Variants in USP37 observed in about 807,000 individuals in gnomAD.
USP37 encodes ubiquitin carboxyl-terminal hydrolase 37.
A neutral mutation model predicts 124.0 loss-of-function variants in USP37; 27 were observed. The ratio of observed to expected loss-of-function variants is 0.22; its 90% CI spans 0.16 to 0.30. The LOEUF (loss-of-function observed/expected upper bound fraction) is 0.30, where lower values mean the gene tolerates loss of function less well. Ranked by LOEUF, USP37 falls within the 10% of genes least tolerant of loss-of-function variation. The pLI is 1.00. For missense variants in USP37, 889 were observed against 1,140.4 expected, an observed-to-expected ratio of 0.78 and a Z score of 3.17; for synonymous variants, 365 against 388.0, an observed-to-expected ratio of 0.94 and a Z score of 0.70.
intron 10 of USP37, among the ~76,000 whole-genome samples, chr2:218,517,669 A>G (rs566337108): frequency 2.1e-4 from 32 of 152,276 alleles, no homozygotes; most frequent in Non-Finnish European, 3.5e-4. Flanking sequence ...CTAGAGTTTC[A>G]CTATGACATG....
intron 17 of USP37, among the ~76,000 whole-genome samples, chr2:218,480,575 T>G (rs1574860456): frequency 6.6e-6 from 1 of 152,200 alleles, no homozygotes; most frequent in Non-Finnish European, 1.5e-5. Context: ...TCAGTTCTTT[T>G]AAAGTAATAG....
chr2:218,490,036 A>G (rs771069142), intron 14 of USP37, among the ~76,000 whole-genome samples: 6 of 152,174 alleles, frequency 3.9e-5, no homozygotes, highest in Admixed American at 1.3e-4. Flanking sequence ...TGTTGGCTAT[A>G]TAAGTAATGC....
At chr2:218,487,288 G>A (rs1691627696) in intron 15 of USP37, among the ~76,000 whole-genome samples, 1 of 152,122 alleles carries the variant, frequency 6.6e-6, no homozygotes, top group African/African-American at 2.4e-5. Context: ...TACAACCTAA[G>A]AAAGAGCAAA....
At position 218,450,446 on chromosome 2, in the gene USP37, C is replaced by T. The variant is rs772180476; in HGVS notation, c.*4484G>A. On this transcript the variant is annotated 3_prime_UTR_variant, in exon 26 of 26. Coordinates refer to ENST00000258399, the MANE Select transcript of USP37 (RefSeq NM_020935.3). ...TCTGAACATAAAGAAAAAAAATCAT[C>T]TCACAAATAATGTGGCCACAGCTGC... 18 of 152,642 alleles carry T rather than the reference C, an allele frequency of 1.2e-4. No homozygotes were observed. The highest frequency in any genetic ancestry group is 1.0e-3 in the Admixed American group (16 of 15,274). 9.5% of individuals were successfully genotyped at this position (152,642 alleles called of 1,614,324 possible). A position where few individuals can be genotyped will look rare whatever the true frequency, so the allele number is the denominator to read the frequency against.
intron 21 of USP37, 118 bp downstream of exon 21, chr2:218,465,892 A>G: frequency 3.1e-6 from 4 of 1,289,092 alleles, no homozygotes; most frequent in Non-Finnish European, 4.2e-6. Context: ...GACTTACTCT[A>G]TGTAAATCAT....
chr2:218,493,466 T>C (rs1688906229), intron 14 of USP37, among the ~76,000 whole-genome samples: 2 of 151,974 alleles, frequency 1.3e-5, no homozygotes, highest in Admixed American at 6.6e-5. Context: ...TACTCTGATA[T>C]GGCCTTCTTT....
intron 9 of USP37, among the ~76,000 whole-genome samples, chr2:218,533,012 A>G (rs2106027984): frequency 6.6e-6 from 1 of 152,134 alleles, no homozygotes; most frequent in South Asian, 2.1e-4. Flanking sequence ...TAGTATAAAC[A>G]TAACTTTTAT....
chr2:218,518,681 A>G (rs1459401357), intron 10 of USP37, among the ~76,000 whole-genome samples: 1 of 152,250 alleles, frequency 6.6e-6, no homozygotes, highest in East Asian at 1.9e-4. Flanking sequence ...GATATTTCTA[A>G]TAACTCACAT....
At chr2:218,480,506 G>A (rs1691214121) in intron 17 of USP37, among the ~76,000 whole-genome samples, 1 of 151,656 alleles carries the variant, frequency 6.6e-6, no homozygotes, top group Admixed American at 6.6e-5. Context: ...AGACAGCACT[G>A]GAAATGAAGT....
intron 10 of USP37, among the ~76,000 whole-genome samples, chr2:218,519,063 T>C (rs755794820): frequency 6.6e-6 from 1 of 152,232 alleles, no homozygotes; most frequent in South Asian, 2.1e-4. Context: ...TTTTCAGTAA[T>C]ACCACAAATG....
chr2:218,463,938 C>G (rs1455073286), intron 21 of USP37, among the ~76,000 whole-genome samples: 4 of 150,104 alleles, frequency 2.7e-5, no homozygotes, highest in Admixed American at 6.7e-5. Flanking sequence ...TCACTGCATC[C>G]TCTACCTCCC....
intron 4 of USP37, among the ~76,000 whole-genome samples, chr2:218,556,703 G>C (rs190464443): frequency 3.3e-5 from 5 of 151,984 alleles, no homozygotes; most frequent in East Asian, 1.9e-4. Flanking sequence ...AGTAGAGACA[G>C]GTTTTCACCA....
chr2:218,483,592 G>C (rs1303631876), intron 16 of USP37, among the ~76,000 whole-genome samples: 2 of 139,372 alleles, frequency 1.4e-5, no homozygotes, highest in Non-Finnish European at 1.5e-5. Flanking sequence ...TGATCTACCA[G>C]GAAAAAAAAA....
chr2:218,483,736 T>C (rs1203093777), intron 16 of USP37, among the ~76,000 whole-genome samples: 1 of 152,124 alleles, frequency 6.6e-6, no homozygotes, highest in Non-Finnish European at 1.5e-5. Flanking sequence ...AACTAGTCTT[T>C]TTAACTGTAC....
chr2:218,516,433 C>CA (rs1377123764), intron 10 of USP37, among the ~76,000 whole-genome samples: 2 of 151,890 alleles, frequency 1.3e-5, no homozygotes, highest in Non-Finnish European at 2.9e-5. Context: ...AGCAAACTAA[C>CA]ACAGGAACAG....
intron 16 of USP37, among the ~76,000 whole-genome samples, chr2:218,483,094 C>T (rs917568124): frequency 4.6e-5 from 7 of 152,132 alleles, no homozygotes; most frequent in African/African-American, 1.7e-4. Context: ...GATTGTAGTT[C>T]TCTTTAAAAA....
chr2:218,545,275 T>G (rs1574950252), intron 8 of USP37, among the ~76,000 whole-genome samples: 2 of 152,336 alleles, frequency 1.3e-5, no homozygotes, highest in South Asian at 2.1e-4. Flanking sequence ...CAATGTGATA[T>G]GCACAAAGGT....
At chr2:218,470,603 A>T (rs762252831) in intron 20 of USP37, among the ~76,000 whole-genome samples, 1 of 152,234 alleles carries the variant, frequency 6.6e-6, no homozygotes, top group African/African-American at 2.4e-5. Flanking sequence ...TTAGCTCTCT[A>T]GTCTCATCTT....
At position 218,452,226 on chromosome 2, in the gene USP37, T is replaced by C. The variant is rs1689504607; in HGVS notation, c.*2704A>G. 6.6e-6 allele frequency: 1 copy of C among 152,178 alleles called. No homozygotes were observed. The highest frequency in any genetic ancestry group is 2.4e-5 in the African/African-American group (1 of 41,438). The allele number at this position is 152,178 out of a possible 1,614,324, so 9.4% of individuals were successfully genotyped here. A position where few individuals can be genotyped will look rare whatever the true frequency, so the allele number is the denominator to read the frequency against. ...AAGTAATGTAACCACACATTTGGTA[T>C]TTTCAATAGGAAGGTTAATTAGGTA... On this transcript the variant is annotated 3_prime_UTR_variant, in exon 26 of 26. Coordinates refer to ENST00000258399, the MANE Select transcript of USP37 (RefSeq NM_020935.3).
Sources: gnomAD v4.1 joint callset for allele counts (sites outside exome capture counted in the v4.1 genomes callset) on GRCh38, gnomAD v4.1.1 for gene constraint, MANE v1.5 for transcripts, NCBI Gene and HGNC (gene_info 2026-07-23, HGNC 2026-07-21) for gene names.